HADH: variants seen among roughly 807,000 people sequenced by gnomAD.
HADH encodes the protein hydroxyacyl-coenzyme A dehydrogenase, mitochondrial.
HADH carries 24 observed loss-of-function variants against 32.2 expected under a neutral mutation model. The ratio of observed to expected loss-of-function variants is 0.75; its 90% CI spans 0.54 to 1.05. The LOEUF (loss-of-function observed/expected upper bound fraction) is 1.05. Ranked by LOEUF, HADH falls within the 50% of genes least tolerant of loss-of-function variation. The probability of loss-of-function intolerance (pLI) is 0.00; values close to 1 mark genes in which losing one functional copy is unlikely to be tolerated. For missense variants in HADH, 350 were observed against 397.1 expected, an observed-to-expected ratio of 0.88 and a Z score of 1.01; for synonymous variants, 139 against 152.5, an observed-to-expected ratio of 0.91 and a Z score of 0.65.
intron 4 of HADH, among the ~76,000 whole-genome samples, chr4:108,022,624 G>A (rs1295435698): frequency 2.6e-5 from 4 of 152,120 alleles, no homozygotes; most frequent in African/African-American, 9.7e-5. Flanking sequence ...TCACTTTCCT[G>A]GGGCTCCTCC....
intron 5 of HADH, chr4:108,027,270 C>A (rs762178747): frequency 3.7e-4 from 126 of 338,248 alleles, no homozygotes; most frequent in Admixed American, 9.2e-4. Context: ...GTGTGTACAG[C>A]ATTTTATGTG....
At chr4:108,003,411 A>G (rs995249905) in intron 1 of HADH, among the ~76,000 whole-genome samples, 1 of 152,210 alleles carries the variant, frequency 6.6e-6, no homozygotes, top group Non-Finnish European at 1.5e-5. Flanking sequence ...CGCACCTCTC[A>G]ATACTATCAT....
Position 108,021,829 on chromosome 4 carries a change from C to T in HADH, c.547-1645C>T, listed in dbSNP as rs113437105. On this transcript the variant is annotated intron_variant, in intron 4 of 7. Coordinates refer to ENST00000309522, the MANE Select transcript of HADH (RefSeq NM_005327.7). ...CCGCAGGGTGGCTTCTGGTCTTTCT[C>T]GTCCTGCTCCTCTTCTCCATCTTCA... Among the ~76,000 whole-genome samples the T allele has an allele frequency of 1.5e-3, 233 of 152,314 alleles. 1 individual carries two copies. Among genetic ancestry groups the T allele is most frequent in the African/African-American group, 5.3e-3 (221 of 41,570 alleles).
intron 4 of HADH, among the ~76,000 whole-genome samples, chr4:108,021,899 C>T (rs192349056): frequency 3.3e-5 from 5 of 152,264 alleles, no homozygotes; most frequent in Admixed American, 6.5e-5. Flanking sequence ...CTTGATGTCA[C>T]GACATGACAC....
chr4:107,989,904 C>T lies in HADH; in HGVS notation c.-29C>T, dbSNP rs770111560. ...CCTCGCGCGTCTTCCCTGCCCGGGTCTCCTCGCTGTCGCCGCCGCTGCCAC... is the reference window on the plus strand; with the variant it reads ...CCTCGCGCGTCTTCCCTGCCCGGGTTTCCTCGCTGTCGCCGCCGCTGCCAC... On this transcript the variant is annotated 5_prime_UTR_variant, in exon 1 of 8. Transcript: ENST00000309522. 3.7e-6 allele frequency: 6 copies of T among 1,607,970 alleles called. No homozygotes were observed. The highest frequency in any genetic ancestry group is 5.1e-6 in the Non-Finnish European group (6 of 1,178,276).
At chr4:108,004,606 A>AT in intron 1 of HADH, 1 of 1,464,454 alleles carries the variant, frequency 6.8e-7, no homozygotes, top group Non-Finnish European at 9.1e-7. Context: ...AGAACCCCAG[A>AT]TTTTATTCAG....
intron 1 of HADH, chr4:108,005,280 C>G (rs1735258145): frequency 5.9e-6 from 1 of 169,754 alleles, no homozygotes; most frequent in Non-Finnish European, 1.3e-5. Flanking sequence ...CTAACGAGAT[C>G]TGAGATATCC....
chr4:107,993,939 G>T (rs1734883452), intron 1 of HADH, among the ~76,000 whole-genome samples: 1 of 152,146 alleles, frequency 6.6e-6, no homozygotes, highest in African/African-American at 2.4e-5. Flanking sequence ...AAACAAGAAA[G>T]GAAGAAAGCT....
intron 1 of HADH, among the ~76,000 whole-genome samples, chr4:108,006,656 A>G (rs898775605): frequency 1.3e-5 from 2 of 152,142 alleles, no homozygotes; most frequent in Admixed American, 1.3e-4. Flanking sequence ...TATTTCTAAC[A>G]AGTCCCCAGG....
intron 1 of HADH, among the ~76,000 whole-genome samples, chr4:107,991,557 GACC>G (rs1734811655): frequency 1.4e-5 from 2 of 145,496 alleles, no homozygotes; most frequent in African/African-American, 5.5e-5. Context: ...TTTCCTCTGA[GACC>G]ATAATTTTGG....
chr4:108,017,511 CA>C (rs1435334925), intron 3 of HADH, among the ~76,000 whole-genome samples: 2 of 150,234 alleles, frequency 1.3e-5, no homozygotes, highest in Admixed American at 1.3e-4. Context: ...ATGAAAAAAA[CA>C]AAAGATGGTT....
chr4:108,004,319 A>G (rs983821509), intron 1 of HADH: 6 of 261,558 alleles, frequency 2.3e-5, no homozygotes, highest in Non-Finnish European at 3.7e-5. Flanking sequence ...GTTTTGGTCC[A>G]TCCCTAGGGG....
intron 1 of HADH, among the ~76,000 whole-genome samples, chr4:107,990,682 G>C (rs1271763173): frequency 6.6e-6 from 1 of 151,338 alleles, no homozygotes; most frequent in Non-Finnish European, 1.5e-5. Flanking sequence ...CTTTGAAATA[G>C]TGCCGTCTGT....
At position 107,993,981 on chromosome 4, in the gene HADH, C is replaced by G. The variant is rs1489001993; in HGVS notation, c.132+3917C>G. On this transcript the variant is annotated intron_variant, in intron 1 of 7. Coordinates refer to ENST00000309522, the MANE Select transcript of HADH (RefSeq NM_005327.7). ...TGTGTGCATTTCTCCAGTATTGAATCCTTTCTAGGCTTTGCTTCATACATT... is the reference window on the plus strand; with the variant it reads ...TGTGTGCATTTCTCCAGTATTGAATGCTTTCTAGGCTTTGCTTCATACATT... 2.0e-5 allele frequency among the ~76,000 whole-genome samples: 3 copies of G among 152,240 alleles called. No homozygotes were observed. In the East Asian group the frequency reaches 5.8e-4, roughly 29 times the overall value.
In HADH at chr4:108,022,629, T is replaced by G. The variant is rs138046373; in HGVS notation, c.547-845T>G. Reference sequence around the variant, plus strand: ...GGCAAATTACTCACTTTCCTGGGGCTCCTCCTCCTCTATAATAGAAGATCA... The same window carrying G: ...GGCAAATTACTCACTTTCCTGGGGCGCCTCCTCCTCTATAATAGAAGATCA... On this transcript the variant is annotated intron_variant, in intron 4 of 7. Coordinates refer to ENST00000309522, the MANE Select transcript of HADH (RefSeq NM_005327.7). Among the ~76,000 whole-genome samples, 439 of 152,300 alleles carry G rather than the reference T, an allele frequency of 2.9e-3. 3 individuals carry two copies. Among genetic ancestry groups the G allele is most frequent in the Middle Eastern group, 0.017 (5 of 294 alleles).
chr4:107,997,465 CA>C (rs1734988856), intron 1 of HADH, among the ~76,000 whole-genome samples: 1 of 152,030 alleles, frequency 6.6e-6, no homozygotes, highest in East Asian at 1.9e-4. Flanking sequence ...TAAATAAATC[CA>C]GTGTGCTTCT....
At chr4:108,022,177 GTGTGTGTGTGTATGTGTGTGTGTA>G (rs1019204177) in intron 4 of HADH, among the ~76,000 whole-genome samples, 22 of 148,040 alleles carry the variant, frequency 1.5e-4, no homozygotes, top group African/African-American at 4.8e-4. Context: ...ATGTGTGTGT[GTGTGTGTGTGTATGTGTGTGTGTA>G]TGTGTGTGTG....
rs1735964758 is a variant in HADH at position 108,023,565 on chromosome 4, T to C, written c.636+2T>C. ...GGAAAGCATCCTGTTTCTTGCAAGG[T>C]AAGAGTATGGGTAGCTTGGGAAGGA... On this transcript the variant is annotated splice_donor_variant, in intron 5 of 7. Coordinates refer to ENST00000309522, the MANE Select transcript of HADH (RefSeq NM_005327.7). LOFTEE classifies it high-confidence loss of function. 6.5e-7 allele frequency: 1 copy of C among 1,541,726 alleles called. No individual in the cohort carries two copies. The highest frequency in any genetic ancestry group is 9.0e-7 in the Non-Finnish European group (1 of 1,113,788).
intron 2 of HADH, among the ~76,000 whole-genome samples, chr4:108,012,940 T>G (rs891144567): frequency 6.6e-6 from 1 of 152,206 alleles, no homozygotes; most frequent in African/African-American, 2.4e-5. Flanking sequence ...CTTATATTCT[T>G]TTTTGTTGAG....
Sources: allele counts gnomAD v4.1 joint callset (sites outside exome capture counted in the v4.1 genomes callset), GRCh38; gene constraint gnomAD v4.1.1; transcripts MANE v1.5; gene names NCBI Gene and HGNC (gene_info 2026-07-23, HGNC 2026-07-21).